Variants in PRKG1 observed in about 807,000 individuals in gnomAD.
PRKG1 encodes the protein protein kinase cGMP-dependent 1, also known as cGMP-dependent protein kinase 1.
A neutral mutation model predicts 88.1 loss-of-function variants in PRKG1; 35 were observed. The ratio of observed to expected loss-of-function variants is 0.40; its 90% CI spans 0.30 to 0.53. The LOEUF is 0.53. Ranked by LOEUF, PRKG1 falls within the 20% of genes least tolerant of loss-of-function variation. The pLI is 0.59. For synonymous variants in PRKG1, 303 were observed against 292.5 expected, an observed-to-expected ratio of 1.04 and a Z score of -0.37; for missense variants, 540 against 839.8, an observed-to-expected ratio of 0.64 and a Z score of 4.41.
chr10:51,751,275 T>C (rs1383736500), intron 3 of PRKG1, among the ~76,000 whole-genome samples: 1 of 152,176 alleles, frequency 6.6e-6, no homozygotes, highest in Non-Finnish European at 1.5e-5. Flanking sequence ...TCTCCCTCTG[T>C]TGCCCAGGCT....
rs117019866 is a variant in PRKG1, at chr10:51,927,535, G to A, written c.762+19965G>A. On this transcript the variant is annotated intron_variant, in intron 5 of 17. Transcript: ENST00000373980. ...TAGTAACAGTAATATTGCAAGTCAG[G>A]TTACAGATTGGCAGCAGCAATCAAA... 8.2e-3 allele frequency among the ~76,000 whole-genome samples: 1,246 copies of A among 152,164 alleles called. 9 individuals are homozygous for A. Among genetic ancestry groups the A allele is most frequent in the Non-Finnish European group, 0.014 (929 of 67,986 alleles).
At chr10:51,724,098 T>A (rs968102865) in intron 3 of PRKG1, among the ~76,000 whole-genome samples, 2 of 152,092 alleles carry the variant, frequency 1.3e-5, no homozygotes, top group Non-Finnish European at 2.9e-5. Flanking sequence ...ATTTCCAGTA[T>A]TTCAAAGATC....
chr10:51,621,129 A>G (rs2132261998), intron 3 of PRKG1, among the ~76,000 whole-genome samples: 1 of 151,072 alleles, frequency 6.6e-6, no homozygotes, highest in Middle Eastern at 3.4e-3. Context: ...CTGAAATTCT[A>G]CCATGCGTGA....
chr10:51,165,657 C>A (rs990717513), intron 2 of PRKG1, among the ~76,000 whole-genome samples: 1 of 152,138 alleles, frequency 6.6e-6, no homozygotes, highest in African/African-American at 2.4e-5. Flanking sequence ...ACCCATCTCA[C>A]GTGCAGTGAC....
chr10:51,545,883 C>T lies in PRKG1; in HGVS notation c.592+78047C>T, dbSNP rs1374315867. On this transcript the variant is annotated intron_variant, in intron 3 of 17. Coordinates refer to ENST00000373980, the MANE Select transcript of PRKG1 (RefSeq NM_006258.4). The stretch of plus-strand genomic sequence containing the variant: ...GATTTCAATATGAGAGTCCCTTCCC[C>T]CTACACCCCCACCCAGCACCCCCTG... Among the ~76,000 whole-genome samples, 3 of 151,928 alleles carry T rather than the reference C, an allele frequency of 2.0e-5. No homozygotes were observed. In the East Asian group the frequency reaches 5.8e-4, roughly 29 times the overall value.
chr10:51,892,983 A>T (rs1233136608), intron 4 of PRKG1, among the ~76,000 whole-genome samples: 1 of 152,196 alleles, frequency 6.6e-6, no homozygotes, highest in East Asian at 1.9e-4. Context: ...ATAAAAATGT[A>T]TATGATTTTA....
chr10:51,467,972 C>G, intron 3 of PRKG1, 136 bp downstream of exon 3: 1 of 731,580 alleles, frequency 1.4e-6, no homozygotes, highest in South Asian at 1.6e-5. Context: ...TGCAATATAG[C>G]TGATGTATTT....
At chr10:51,137,196 T>C (rs1845708631) in intron 1 of PRKG1, among the ~76,000 whole-genome samples, 1 of 152,104 alleles carries the variant, frequency 6.6e-6, no homozygotes, top group African/African-American at 2.4e-5. Context: ...ATTAATTATT[T>C]CTTAAAGTGA....
chr10:51,132,985 C>A (rs1251263923), intron 1 of PRKG1, among the ~76,000 whole-genome samples: 3 of 151,822 alleles, frequency 2.0e-5, no homozygotes, highest in Non-Finnish European at 4.4e-5. Flanking sequence ...CTACTAAATC[C>A]AAATCTCTGG....
At chr10:51,109,781 G>C (rs909301329) in intron 1 of PRKG1, among the ~76,000 whole-genome samples, 1 of 151,986 alleles carries the variant, frequency 6.6e-6, no homozygotes, top group African/African-American at 2.4e-5. Context: ...AAAAACTTCT[G>C]TATTTAAGAA....
chr10:51,980,673 G>A lies in PRKG1; in HGVS notation c.762+73103G>A, dbSNP rs189985952. Among the ~76,000 whole-genome samples, 461 of 152,160 alleles carry A rather than the reference G, an allele frequency of 3.0e-3. 5 individuals carry two copies. Among genetic ancestry groups the A allele is most frequent in the African/African-American group, 0.011 (441 of 41,510 alleles). ...TATAAATCTGGGTGCTCCTCTGTTGGGCATGTATATATTTAGGATAGTTAG... is the reference window on the plus strand; with the variant it reads ...TATAAATCTGGGTGCTCCTCTGTTGAGCATGTATATATTTAGGATAGTTAG... On this transcript the variant is annotated intron_variant, in intron 5 of 17. Transcript: ENST00000373980.
chr10:51,195,048 CT>C (rs1837727738), intron 2 of PRKG1, among the ~76,000 whole-genome samples: 1 of 152,170 alleles, frequency 6.6e-6, no homozygotes, highest in South Asian at 2.1e-4. Context: ...AAACCGTAGA[CT>C]TGTGCTAAAA....
At chr10:51,589,092 G>C (rs1368286236) in intron 3 of PRKG1, among the ~76,000 whole-genome samples, 1 of 152,062 alleles carries the variant, frequency 6.6e-6, no homozygotes, top group Non-Finnish European at 1.5e-5. Flanking sequence ...CAGGCTATAA[G>C]GGAATGCTGT....
chr10:51,298,420 G>C (rs1010063763), intron 2 of PRKG1, among the ~76,000 whole-genome samples: 2 of 152,144 alleles, frequency 1.3e-5, no homozygotes, highest in Admixed American at 6.5e-5. Flanking sequence ...AACCTGGTGG[G>C]AGTTGTTCAG....
At chr10:51,087,033 G>C (rs73338494) in intron 1 of PRKG1, among the ~76,000 whole-genome samples, 1 of 152,074 alleles carries the variant, frequency 6.6e-6, no homozygotes, top group Non-Finnish European at 1.5e-5. Context: ...TTTTTAAATC[G>C]TCTCTGACAG....
At chr10:51,854,435 C>G (rs1236336030) in intron 4 of PRKG1, among the ~76,000 whole-genome samples, 1 of 152,038 alleles carries the variant, frequency 6.6e-6, no homozygotes, top group Admixed American at 6.6e-5. Flanking sequence ...TAATGTCACC[C>G]TGGAGAATTT....
At chr10:51,313,809 T>G (rs1465214668) in intron 2 of PRKG1, among the ~76,000 whole-genome samples, 1 of 152,204 alleles carries the variant, frequency 6.6e-6, no homozygotes. Flanking sequence ...TTACTTATAA[T>G]ACCAAATAAA....
intron 1 of PRKG1, among the ~76,000 whole-genome samples, chr10:51,143,683 G>A (rs1845875357): frequency 6.6e-6 from 1 of 151,996 alleles, no homozygotes; most frequent in South Asian, 2.1e-4. Context: ...TGTAAGGTTA[G>A]ATCTCATGGT....
chr10:52,250,535 A>G (rs972933140), intron 9 of PRKG1, among the ~76,000 whole-genome samples: 1 of 152,204 alleles, frequency 6.6e-6, no homozygotes, highest in African/African-American at 2.4e-5. Context: ...CTGTGTTAGT[A>G]TCATTACCTC....
Sources: allele counts gnomAD v4.1 joint callset (sites outside exome capture counted in the v4.1 genomes callset), GRCh38; gene constraint gnomAD v4.1.1; transcripts MANE v1.5; gene names NCBI Gene and HGNC (gene_info 2026-07-23, HGNC 2026-07-21).